The following TMEM233 variants were observed in gnomAD, a reference collection of about 807,000 sequenced individuals.
TMEM233 encodes transmembrane protein 233, also known as dispanin subfamily B member 2.
Under a neutral mutation model 11.2 loss-of-function variants are expected in TMEM233, and 6 were observed. The ratio of observed to expected loss-of-function variants is 0.54; its 90% CI spans 0.29 to 1.06. The LOEUF (loss-of-function observed/expected upper bound fraction) is 1.06, where lower values mean the gene tolerates loss of function less well. Among genes scored for constraint, TMEM233 ranks in the 50% least tolerant of loss-of-function variants. The probability of loss-of-function intolerance (pLI) is 0.08; values close to 1 mark genes in which losing one functional copy is unlikely to be tolerated. For synonymous variants in TMEM233, 59 were observed against 55.8 expected, an observed-to-expected ratio of 1.06 and a Z score of -0.26; for missense variants, 127 against 144.7, an observed-to-expected ratio of 0.88 and a Z score of 0.63.
rs377657706 is a variant in TMEM233, at chr12:119,627,265, TGCAGG to T, written c.187-2470_187-2466del. The stretch of plus-strand genomic sequence containing the variant: ...ACCAAATAGTAAATATTTTTGGCCT[TGCAGG>T]CCCTACATTCTCTGGACAGAGAGGC... On this transcript the variant is annotated intron_variant, in intron 1 of 2. Transcript: ENST00000426426. 5.2e-3 allele frequency among the ~76,000 whole-genome samples: 785 copies of T among 152,356 alleles called. 11 individuals carry two copies. Among genetic ancestry groups the T allele is most frequent in the African/African-American group, 0.018 (741 of 41,572 alleles).
chr12:119,650,157 CA>C, the TMEM233 span, among the ~76,000 whole-genome samples: 38 of 129,024 alleles, frequency 2.9e-4, no homozygotes, highest in Admixed American at 6.4e-4. Context: ...GACTCCATCT[CA>C]AAAAAAAAAA....
At chr12:119,654,024 C>T in the TMEM233 span, among the ~76,000 whole-genome samples, 2 of 148,888 alleles carry the variant, frequency 1.3e-5, no homozygotes, top group Non-Finnish European at 3.0e-5. Context: ...GAAAACACAC[C>T]TAGGCAAATT....
At chr12:119,621,939 TG>T (rs1954652464) in intron 1 of TMEM233, among the ~76,000 whole-genome samples, 1 of 152,240 alleles carries the variant, frequency 6.6e-6, no homozygotes, top group South Asian at 2.1e-4. Flanking sequence ...AATCTGTTCC[TG>T]GAAAACAAAC....
At position 119,641,004 on chromosome 12, in the gene TMEM233, A is replaced by C; in HGVS notation, c.*299A>C. 2 of 364,688 alleles carry C rather than the reference A, an allele frequency of 5.5e-6. No individual in the cohort carries two copies. Among genetic ancestry groups the C allele is most frequent in the Non-Finnish European group, 4.9e-6 (1 of 202,066 alleles). The allele number at this position is 364,688 out of a possible 1,614,324, so 22.6% of individuals were successfully genotyped here. A position where few individuals can be genotyped will look rare whatever the true frequency, so the allele number is the denominator to read the frequency against. On this transcript the variant is annotated 3_prime_UTR_variant, in exon 3 of 3. Coordinates refer to ENST00000426426, the MANE Select transcript of TMEM233 (RefSeq NM_001136534.3). ...CAGTTTAGCGAATCCCGTTGTGTCC[A>C]CTCCTGTCCTCCAGAGGCGAGCCTC...
chr12:119,597,397 G>A lies in TMEM233; in HGVS notation c.186+3363G>A, dbSNP rs113477263. Among the ~76,000 whole-genome samples, 1,086 of 152,044 alleles carry A rather than the reference G, an allele frequency of 7.1e-3. 10 individuals are homozygous for A. The highest frequency in any genetic ancestry group is 0.025 in the African/African-American group (1,041 of 41,466). ...TCCCAATGAAGAAGCACTGTAGGATGATGCAAATTGATATAAACATGGATG... is the reference window on the plus strand; with the variant it reads ...TCCCAATGAAGAAGCACTGTAGGATAATGCAAATTGATATAAACATGGATG... On this transcript the variant is annotated intron_variant, in intron 1 of 2. Transcript: ENST00000426426.
At chr12:119,638,475 C>G (rs1335581622) in intron 2 of TMEM233, among the ~76,000 whole-genome samples, 1 of 151,848 alleles carries the variant, frequency 6.6e-6, no homozygotes, top group Admixed American at 6.6e-5. Context: ...AAAATTAAAA[C>G]AAAAAAATTT....
the TMEM233 span, among the ~76,000 whole-genome samples, chr12:119,650,938 C>G: frequency 2.6e-5 from 4 of 152,204 alleles, no homozygotes; most frequent in Non-Finnish European, 5.9e-5. Context: ...CCACTGCTCC[C>G]GGCCTGCTTA....
In TMEM233 at chr12:119,641,108, G is replaced by A. The variant is rs1673069278; in HGVS notation, c.*403G>A. On this transcript the variant is annotated 3_prime_UTR_variant, in exon 3 of 3. Transcript: ENST00000426426. ...GAGATGGAGGTTTCTAGGAAGAGCA[G>A]CAGGTGCTGGTATTTACAATGTTGA... The A allele has an allele frequency of 5.2e-6, 1 of 190,594 alleles. No homozygotes were observed. The allele number at this position is 190,594 out of a possible 1,614,324, so 11.8% of individuals were successfully genotyped here. A position where few individuals can be genotyped will look rare whatever the true frequency, so the allele number is the denominator to read the frequency against.
chr12:119,613,932 A>G (rs975055145), intron 1 of TMEM233, among the ~76,000 whole-genome samples: 1 of 151,990 alleles, frequency 6.6e-6, no homozygotes, highest in Non-Finnish European at 1.5e-5. Context: ...ACAAGTAGAG[A>G]GGAGATGACC....
intron 1 of TMEM233, among the ~76,000 whole-genome samples, chr12:119,620,566 T>C (rs1954620777): frequency 6.6e-6 from 1 of 152,166 alleles, no homozygotes; most frequent in Non-Finnish European, 1.5e-5. Context: ...TAGGAAGCCT[T>C]AAAAAGAATA....
intron 1 of TMEM233, among the ~76,000 whole-genome samples, chr12:119,628,574 A>G (rs193299149): frequency 0.018 from 2,389 of 136,114 alleles, 59 homozygotes; most frequent in African/African-American, 0.062. Flanking sequence ...ATCTTGGCTC[A>G]CTGCAAGCTC....
At position 119,593,905 on chromosome 12, in the gene TMEM233, G is replaced by A. The variant is rs1203691259; in HGVS notation, c.57G>A (p.Glu19=). ...DFKRALDSSP[E]ANTEDDKTEE... ...AGAGGGCTTTGGACAGCAGTCCCGA[G>A]GCCAACACTGAAGATGACAAGACCG... is the stretch of plus-strand genomic sequence containing the variant. The change falls in exon 1 of 3, where the codon GAG becomes GAA. Residue 19 remains glutamate, a synonymous_variant. Transcript: ENST00000426426. This position sits in a 1 kb window ranked among gnomAD's most constrained non-coding sequence, Gnocchi z 4.1. 11 of 1,551,730 alleles carry A rather than the reference G, an allele frequency of 7.1e-6. No individual in the cohort carries two copies. In the East Asian group the frequency reaches 2.4e-4, roughly 34 times the overall value.
At position 119,636,589 on chromosome 12, in the gene TMEM233, G is replaced by T. The variant is rs192169935; in HGVS notation, c.324-4110G>T. On this transcript the variant is annotated intron_variant, in intron 2 of 2. Coordinates refer to ENST00000426426, the MANE Select transcript of TMEM233 (RefSeq NM_001136534.3). ...CACCTCAGCCTCCTGAGTTAGCTGG[G>T]ATTACAGGGTTGAGCCACCACACCC... Among the ~76,000 whole-genome samples the T allele has an allele frequency of 1.3e-3, 196 of 152,252 alleles. 1 individual carries two copies. The highest frequency in any genetic ancestry group is 9.9e-3 in the Admixed American group (151 of 15,282).
intron 1 of TMEM233, among the ~76,000 whole-genome samples, chr12:119,609,546 T>C (rs954720944): frequency 2.0e-5 from 3 of 151,852 alleles, no homozygotes; most frequent in Non-Finnish European, 2.9e-5. Context: ...GAGGGAAAAA[T>C]GGTTTTATGG....
chr12:119,634,310 A>C, intron 2 of TMEM233: 2 of 982,664 alleles, frequency 2.0e-6, no homozygotes, highest in Non-Finnish European at 2.4e-6. Flanking sequence ...GAAAGTATTC[A>C]TTCCAAAATG....
chr12:119,640,756 C>T lies in TMEM233; in HGVS notation c.*51C>T. 1 of 1,548,748 alleles carries T rather than the reference C, an allele frequency of 6.5e-7. No individual in the cohort carries two copies. The highest frequency in any genetic ancestry group is 1.4e-5 in the African/African-American group (1 of 72,890). On this transcript the variant is annotated 3_prime_UTR_variant, in exon 3 of 3. Coordinates refer to ENST00000426426, the MANE Select transcript of TMEM233 (RefSeq NM_001136534.3). ...GCGTGGAGGATGGACCTCATCCACA[C>T]ACACCCCAAAGGAGTTTCTAAGGAA...
At chr12:119,640,150 G>GTTT (rs1329982070) in intron 2 of TMEM233, among the ~76,000 whole-genome samples, 51 of 72,820 alleles carry the variant, frequency 7.0e-4, no homozygotes, top group Non-Finnish European at 1.2e-3. Flanking sequence ...TTTGTTTGTT[G>GTTT]TTGTTGTTTT....
intron 1 of TMEM233, among the ~76,000 whole-genome samples, chr12:119,597,582 A>G (rs1293886237): frequency 1.3e-5 from 2 of 152,218 alleles, no homozygotes; most frequent in Non-Finnish European, 2.9e-5. Context: ...TGGCAAAGAA[A>G]ACTACTTTGG....
intron 1 of TMEM233, among the ~76,000 whole-genome samples, chr12:119,610,219 T>A (rs1211682565): frequency 1.3e-5 from 2 of 152,226 alleles, no homozygotes; most frequent in African/African-American, 2.4e-5. Flanking sequence ...ATTTCTCCCA[T>A]TTAGAATGGG....
Sources: allele counts gnomAD v4.1 joint callset (sites outside exome capture counted in the v4.1 genomes callset), GRCh38; gene constraint gnomAD v4.1.1; non-coding constraint Gnocchi (gnomAD v3.1); transcripts MANE v1.5; gene names NCBI Gene and HGNC (gene_info 2026-07-23, HGNC 2026-07-21).